The following INPP4B variants were observed in gnomAD, a reference collection of about 807,000 sequenced individuals.
INPP4B encodes the protein inositol polyphosphate-4-phosphatase type II B.
A neutral mutation model predicts 122.5 loss-of-function variants in INPP4B; 55 were observed. The observed-to-expected ratio is 0.45, with a 90% CI of 0.36 to 0.56. INPP4B has a LOEUF of 0.56. Among genes scored for constraint, INPP4B ranks in the 20% least tolerant of loss-of-function variants. The pLI, the probability that INPP4B is intolerant of heterozygous loss-of-function variation, is 0.00. For missense variants in INPP4B, 1,000 were observed against 1,097.7 expected, an observed-to-expected ratio of 0.91 and a Z score of 1.26; for synonymous variants, 403 against 388.7, an observed-to-expected ratio of 1.04 and a Z score of -0.43.
chr4:142,202,340 T>TA (rs748150322), intron 14 of INPP4B, among the ~76,000 whole-genome samples: 8 of 152,080 alleles, frequency 5.3e-5, no homozygotes, highest in Non-Finnish European at 1.0e-4. Flanking sequence ...GCTGACCTCA[T>TA]ATCAAGGAAC....
At chr4:142,623,247 T>C (rs751720677) in intron 2 of INPP4B, among the ~76,000 whole-genome samples, 1 of 151,970 alleles carries the variant, frequency 6.6e-6, no homozygotes, top group Admixed American at 6.6e-5. Flanking sequence ...CGTCCATTTC[T>C]AGGACTACTG....
At chr4:142,529,857 G>A (rs1827374347) in intron 2 of INPP4B, among the ~76,000 whole-genome samples, 1 of 151,960 alleles carries the variant, frequency 6.6e-6, no homozygotes, top group Non-Finnish European at 1.5e-5. Flanking sequence ...CAGAATCATG[G>A]AGACTACATC....
intron 1 of INPP4B, among the ~76,000 whole-genome samples, chr4:142,834,812 G>A (rs937272237): frequency 6.6e-6 from 1 of 152,128 alleles, no homozygotes; most frequent in Non-Finnish European, 1.5e-5. Context: ...ATTTAAATAA[G>A]TGGGAGAAAA....
At chr4:142,837,159 A>AAATAATAATAATAATAATAAT (rs150797757) in intron 1 of INPP4B, among the ~76,000 whole-genome samples, 144 of 149,062 alleles carry the variant, frequency 9.7e-4, no homozygotes, top group African/African-American at 3.3e-3. Context: ...ACAGTCTCAA[A>AAATAATAATAATAATAATAAT]AATAATAATA....
intron 25 of INPP4B, among the ~76,000 whole-genome samples, chr4:142,031,937 C>T (rs1317792575): frequency 6.6e-6 from 1 of 151,838 alleles, no homozygotes; most frequent in Non-Finnish European, 1.5e-5. Context: ...GTTGGACGAG[C>T]AGGAATAGAA....
At chr4:142,472,932 T>C (rs1390321717) in intron 2 of INPP4B, among the ~76,000 whole-genome samples, 2 of 152,190 alleles carry the variant, frequency 1.3e-5, no homozygotes, top group Non-Finnish European at 2.9e-5. Flanking sequence ...TAGTAAAAAC[T>C]ACACAAAACT....
chr4:142,243,815 G>A (rs1423590902), intron 11 of INPP4B, among the ~76,000 whole-genome samples: 1 of 152,160 alleles, frequency 6.6e-6, no homozygotes, highest in East Asian at 1.9e-4. Flanking sequence ...GTAATGAGGA[G>A]AAAGTTATCT....
chr4:142,274,206 G>A (rs1196756904), intron 9 of INPP4B, among the ~76,000 whole-genome samples: 3 of 151,772 alleles, frequency 2.0e-5, no homozygotes, highest in Non-Finnish European at 4.4e-5. Flanking sequence ...CATCACATCT[G>A]CGTAGAAAAT....
chr4:142,659,892 G>A (rs1356593347), intron 2 of INPP4B, among the ~76,000 whole-genome samples: 2 of 63,428 alleles, frequency 3.2e-5, no homozygotes, highest in African/African-American at 6.4e-5. Flanking sequence ...ACCCCCACCC[G>A]TGAGATACAG....
At chr4:142,837,680 A>G (rs538912068) in intron 1 of INPP4B, among the ~76,000 whole-genome samples, 24 of 152,266 alleles carry the variant, frequency 1.6e-4, no homozygotes, top group African/African-American at 5.3e-4. Flanking sequence ...AAATCCCTCA[A>G]TACTGGTGAG....
intron 25 of INPP4B, among the ~76,000 whole-genome samples, chr4:142,041,309 A>G (rs1747319773): frequency 6.6e-6 from 1 of 152,092 alleles, no homozygotes; most frequent in Non-Finnish European, 1.5e-5. Context: ...AGTAAAAATA[A>G]ATAAATAAAA....
chr4:142,543,172 T>C (rs776564657), intron 2 of INPP4B, among the ~76,000 whole-genome samples: 5 of 152,164 alleles, frequency 3.3e-5, no homozygotes, highest in African/African-American at 1.2e-4. Flanking sequence ...TACATTTAAA[T>C]GTATTAATCC....
chr4:142,085,340 G>A (rs1383638557), intron 24 of INPP4B, among the ~76,000 whole-genome samples: 1 of 152,172 alleles, frequency 6.6e-6, no homozygotes, highest in African/African-American at 2.4e-5. Flanking sequence ...TGGTTAACCT[G>A]AGCTCCAAAT....
rs565253630 is a variant in INPP4B, at chr4:142,228,118, T to C, written c.836+9746A>G. ...ATCTAAGATCTGCTCATCACAAATA[T>C]TTTTTTATCACATAGTTTTTAAATA... is the stretch of plus-strand genomic sequence containing the variant. On this transcript the variant is annotated intron_variant, in intron 12 of 25. Coordinates refer to ENST00000262992, the MANE Select transcript of INPP4B (RefSeq NM_001101669.3). 2.1e-5 allele frequency among the ~76,000 whole-genome samples: 3 copies of C among 144,846 alleles called. No homozygotes were observed. In the South Asian group the frequency reaches 6.3e-4, roughly 30 times the overall value.
chr4:142,731,213 G>T (rs976311332), intron 1 of INPP4B, among the ~76,000 whole-genome samples: 1 of 152,018 alleles, frequency 6.6e-6, no homozygotes, highest in Non-Finnish European at 1.5e-5. Flanking sequence ...ACACTATTTG[G>T]ACATGTCAGA....
chr4:142,302,320 T>G (rs542218684), intron 9 of INPP4B, among the ~76,000 whole-genome samples: 13 of 152,288 alleles, frequency 8.5e-5, no homozygotes, highest in African/African-American at 2.2e-4. Flanking sequence ...AAACTGGTTC[T>G]GGGCCTGAGT....
Position 142,027,587 on chromosome 4 carries a change from G to GAGA in INPP4B, c.*1192_*1194dup, listed in dbSNP as rs1390342657. On this transcript the variant is annotated 3_prime_UTR_variant, in exon 26 of 26. Coordinates refer to ENST00000262992, the MANE Select transcript of INPP4B (RefSeq NM_001101669.3). ...CATGCATATTTAGCATGGCAATTTG[G>GAGA]AGAAGTGACAAGCCACAGGCTAGGA... The GAGA allele has an allele frequency of 1.3e-5, 2 of 152,286 alleles. No homozygotes were observed. Among genetic ancestry groups the GAGA allele is most frequent in the African/African-American group, 4.8e-5 (2 of 41,570 alleles). 9.4% of individuals were successfully genotyped at this position (152,286 alleles called of 1,614,324 possible). A position where few individuals can be genotyped will look rare whatever the true frequency, so the allele number is the denominator to read the frequency against.
chr4:142,029,873 T>G, intron 25 of INPP4B: 1 of 1,121,732 alleles, frequency 8.9e-7, no homozygotes, highest in Non-Finnish European at 1.1e-6. Context: ...TTTGTCTTAT[T>G]CCAAAGACAG....
chr4:142,449,703 A>G (rs558539842), intron 3 of INPP4B, among the ~76,000 whole-genome samples: 1 of 152,256 alleles, frequency 6.6e-6, no homozygotes, highest in Non-Finnish European at 1.5e-5. Flanking sequence ...TGTCCCAAAA[A>G]AAAAAAAAAG....
Sources: gnomAD v4.1 joint callset for allele counts (sites outside exome capture counted in the v4.1 genomes callset) on GRCh38, gnomAD v4.1.1 for gene constraint, MANE v1.5 for transcripts, NCBI Gene and HGNC (gene_info 2026-07-23, HGNC 2026-07-21) for gene names.